The following CFAP299 variants were observed in gnomAD, a reference collection of about 807,000 sequenced individuals.
CFAP299 encodes cilia- and flagella-associated protein 299.
In CFAP299, 21 loss-of-function variants were observed where a neutral mutation model predicts 27.0. That is an observed-to-expected ratio of 0.78 (90% CI 0.55 to 1.12). The LOEUF is 1.12. Ranked by LOEUF, CFAP299 falls within the 50% of genes most tolerant of loss-of-function variation. The probability of loss-of-function intolerance (pLI) is 0.00; values close to 1 mark genes in which losing one functional copy is unlikely to be tolerated. For missense variants in CFAP299, 310 were observed against 276.6 expected (o/e 1.12, Z -0.86); for synonymous variants, 104 against 98.1 (o/e 1.06, Z -0.36).
At chr4:80,548,330 T>C (rs1734341553) in intron 2 of CFAP299, among the ~76,000 whole-genome samples, 1 of 152,022 alleles carries the variant, frequency 6.6e-6, no homozygotes, top group African/African-American at 2.4e-5. Flanking sequence ...GAGCTAAACA[T>C]TTTACAGACA....
chr4:80,846,094 T>A (rs1272029690), intron 3 of CFAP299, among the ~76,000 whole-genome samples: 1 of 152,126 alleles, frequency 6.6e-6, no homozygotes, highest in Non-Finnish European at 1.5e-5. Flanking sequence ...GCATCCTTAA[T>A]CACAAGCAGC....
upstream of CFAP299, among the ~76,000 whole-genome samples, chr4:80,334,955 G>A (rs1230484335): frequency 6.6e-6 from 1 of 152,184 alleles, no homozygotes; most frequent in Non-Finnish European, 1.5e-5. Context: ...AGGATGGTTT[G>A]TAAAATATTA....
chr4:80,482,802 G>A (rs1730631667), intron 2 of CFAP299, among the ~76,000 whole-genome samples: 1 of 152,118 alleles, frequency 6.6e-6, no homozygotes, highest in Non-Finnish European at 1.5e-5. Context: ...TTTGAATCAG[G>A]TCTCTTGCTG....
chr4:80,659,926 A>C (rs1740753060), intron 3 of CFAP299, among the ~76,000 whole-genome samples: 2 of 152,102 alleles, frequency 1.3e-5, no homozygotes, highest in Non-Finnish European at 2.9e-5. Flanking sequence ...CCCTTAGTAA[A>C]AATATTTAGG....
chr4:80,826,047 A>G (rs1223429500), intron 3 of CFAP299, among the ~76,000 whole-genome samples: 3 of 151,938 alleles, frequency 2.0e-5, no homozygotes, highest in Admixed American at 6.6e-5. Flanking sequence ...TTGAGCAGAC[A>G]TGTATAAAGG....
chr4:80,878,887 G>T (rs1425484481), intron 4 of CFAP299, among the ~76,000 whole-genome samples: 1 of 152,020 alleles, frequency 6.6e-6, no homozygotes, highest in Non-Finnish European at 1.5e-5. Context: ...TCTTATCAGA[G>T]ATAGTTTGTC....
intron 3 of CFAP299, among the ~76,000 whole-genome samples, chr4:80,610,517 C>G (rs1017145691): frequency 1.1e-4 from 17 of 152,044 alleles, no homozygotes; most frequent in African/African-American, 3.4e-4. Flanking sequence ...GTAATTCATA[C>G]TTTATCTTCT....
intron 3 of CFAP299, among the ~76,000 whole-genome samples, chr4:80,717,667 A>G (rs1420756611): frequency 1.3e-5 from 2 of 152,286 alleles, no homozygotes; most frequent in African/African-American, 4.8e-5. Flanking sequence ...ATGACTGTAT[A>G]TCCAATACCT....
At chr4:80,878,360 G>A (rs966574833) in intron 4 of CFAP299, among the ~76,000 whole-genome samples, 2 of 151,958 alleles carry the variant, frequency 1.3e-5, no homozygotes, top group Admixed American at 6.6e-5. Flanking sequence ...TTTATACTGG[G>A]AGATAACTCT....
At chr4:80,478,674 T>C (rs568071420) in intron 2 of CFAP299, among the ~76,000 whole-genome samples, 10 of 152,226 alleles carry the variant, frequency 6.6e-5, no homozygotes, top group African/African-American at 2.2e-4. Context: ...TGGGTATGAG[T>C]TGATTCTATT....
intron 3 of CFAP299, among the ~76,000 whole-genome samples, chr4:80,827,236 T>C (rs1029013487): frequency 2.2e-4 from 34 of 151,850 alleles, no homozygotes; most frequent in Admixed American, 5.3e-4. Flanking sequence ...ATTAATCAGA[T>C]ACCAAAGTCA....
chr4:80,511,805 G>A (rs1054681640), intron 2 of CFAP299, among the ~76,000 whole-genome samples: 1 of 152,066 alleles, frequency 6.6e-6, no homozygotes, highest in Non-Finnish European at 1.5e-5. Context: ...AATAACTATA[G>A]CCAAACCAAG....
At chr4:80,701,373 TCAAA>T (rs1259114958) in intron 3 of CFAP299, among the ~76,000 whole-genome samples, 1 of 152,100 alleles carries the variant, frequency 6.6e-6, no homozygotes, top group Non-Finnish European at 1.5e-5. Context: ...ACACCAATCA[TCAAA>T]CAAGTTTAAT....
Position 80,476,938 on chromosome 4 carries a change from T to C in CFAP299, c.243-106155T>C, listed in dbSNP as rs1289327531. On this transcript the variant is annotated intron_variant, in intron 2 of 5. Coordinates refer to ENST00000358105, the MANE Select transcript of CFAP299 (RefSeq NM_152770.3). ...CTGCTTTTCTCAGGCATTTTGTGTG[T>C]GTGTGCGTGTGTGTGCGCATGCGTG... Among the ~76,000 whole-genome samples the C allele has an allele frequency of 2.9e-5, 4 of 137,526 alleles. No individual in the cohort carries two copies. The East Asian group carries it at 6.3e-4, about 22-fold the overall frequency. The allele number at this position is 137,526 out of a possible 152,430, so 90.2% of individuals were successfully genotyped here. A position where few individuals can be genotyped will look rare whatever the true frequency, so the allele number is the denominator to read the frequency against.
chr4:80,326,874 T>TAATA, the CFAP299 span, among the ~76,000 whole-genome samples: 1 of 152,226 alleles, frequency 6.6e-6, no homozygotes, highest in Admixed American at 6.5e-5. Flanking sequence ...GGTAGTCTTT[T>TAATA]AAAGACTATC....
At position 80,591,209 on chromosome 4, in the gene CFAP299, C is replaced by T. The variant is rs370923865; in HGVS notation, c.333+8026C>T. ...CGGGATCTAGGCTCACTGCAAGCTC[C>T]GCCTCCCGGGTTCACGCCATTCTCC... On this transcript the variant is annotated intron_variant, in intron 3 of 5. Transcript: ENST00000358105. 6.5e-4 allele frequency among the ~76,000 whole-genome samples: 95 copies of T among 145,742 alleles called. 1 individual carries two copies. In the East Asian group the frequency reaches 0.016, roughly 24 times the overall value.
At chr4:80,866,073 A>ATATATG (rs1185309706) in intron 3 of CFAP299, among the ~76,000 whole-genome samples, 7 of 106,324 alleles carry the variant, frequency 6.6e-5, no homozygotes, top group Non-Finnish European at 1.2e-4. Flanking sequence ...ATATATATAT[A>ATATATG]TATATATATA....
chr4:80,954,926 G>T (rs1417710794), intron 5 of CFAP299, among the ~76,000 whole-genome samples: 1 of 133,532 alleles, frequency 7.5e-6, no homozygotes, highest in Non-Finnish European at 1.5e-5. Context: ...CGTGAACCCA[G>T]GAGACGGAGC....
At chr4:80,545,757 C>T (rs1195659224) in intron 2 of CFAP299, among the ~76,000 whole-genome samples, 2 of 152,176 alleles carry the variant, frequency 1.3e-5, no homozygotes, top group East Asian at 1.9e-4. Flanking sequence ...AAGCAAGCAT[C>T]ATTCTGATAC....
Sources: gnomAD v4.1 joint callset for allele counts (sites outside exome capture counted in the v4.1 genomes callset) on GRCh38, gnomAD v4.1.1 for gene constraint, MANE v1.5 for transcripts, NCBI Gene and HGNC (gene_info 2026-07-23, HGNC 2026-07-21) for gene names.